Variants in GNG2 observed in about 807,000 individuals in gnomAD.
GNG2 encodes the protein G protein subunit gamma 2.
In GNG2, 5 loss-of-function variants were observed where a neutral mutation model predicts 5.5. That is an observed-to-expected ratio of 0.91 (90% confidence interval 0.48 to 1.92). The LOEUF (loss-of-function observed/expected upper bound fraction) is 1.92, where lower values mean the gene tolerates loss of function less well. GNG2 is among the 30% of genes most tolerant of loss of function. The probability of loss-of-function intolerance (pLI) is 0.01; values close to 1 mark genes in which losing one functional copy is unlikely to be tolerated. For missense variants in GNG2, 55 were observed against 88.4 expected, an observed-to-expected ratio of 0.62 and a Z score of 1.52; for synonymous variants, 28 against 32.0, an observed-to-expected ratio of 0.88 and a Z score of 0.42.
chr14:51,886,831 G>T (rs1884490290), intron 2 of GNG2, among the ~76,000 whole-genome samples: 1 of 152,210 alleles, frequency 6.6e-6, no homozygotes, highest in Non-Finnish European at 1.5e-5. Context: ...GAGCAAGGAA[G>T]TCTGCCACTG....
At chr14:51,894,279 T>G (rs1477322751) in intron 2 of GNG2, among the ~76,000 whole-genome samples, 1 of 152,090 alleles carries the variant, frequency 6.6e-6, no homozygotes, top group African/African-American at 2.4e-5. Context: ...ATATAAAGAT[T>G]TTTGCTTCGT....
intron 3 of GNG2, among the ~76,000 whole-genome samples, chr14:51,954,951 C>T (rs948731671): frequency 6.6e-6 from 1 of 152,116 alleles, no homozygotes; most frequent in Non-Finnish European, 1.5e-5. Flanking sequence ...CTCCATTATA[C>T]AGACATAGCC....
At chr14:51,863,272 G>A (rs1041193044) in intron 1 of GNG2, among the ~76,000 whole-genome samples, 2 of 152,124 alleles carry the variant, frequency 1.3e-5, no homozygotes, top group African/African-American at 4.8e-5. Context: ...ACCTATTACT[G>A]GTTCTTACTA....
At chr14:51,949,099 C>T (rs980498028) in intron 2 of GNG2, among the ~76,000 whole-genome samples, 5 of 141,000 alleles carry the variant, frequency 3.5e-5, no homozygotes, top group Non-Finnish European at 6.0e-5. Flanking sequence ...CCAGCTTGGG[C>T]GACAGAGGCA....
rs140075791 is a variant in GNG2 at position 51,924,315 on chromosome 14, G to T, written c.-29-26335G>T. Among the ~76,000 whole-genome samples, 668 of 152,282 alleles carry T rather than the reference G, an allele frequency of 4.4e-3. 7 individuals carry two copies. The highest frequency in any genetic ancestry group is 0.015 in the African/African-American group (635 of 41,562). On this transcript the variant is annotated intron_variant, in intron 2 of 3. Transcript: ENST00000556766. ...TGGAAGACCCCTATTAAATTGTGAA[G>T]TACTATTTATATATCAGTCATCACT...
chr14:51,851,779 C>A (rs1188998344), intron 2 of GNG2, among the ~76,000 whole-genome samples: 3 of 152,104 alleles, frequency 2.0e-5, no homozygotes, highest in East Asian at 1.9e-4. Context: ...TCTAGTGGTG[C>A]CTTCTCAGCT....
At chr14:51,827,097 A>T (rs1405865158) in intron 1 of GNG2, among the ~76,000 whole-genome samples, 1 of 152,206 alleles carries the variant, frequency 6.6e-6, no homozygotes, top group Non-Finnish European at 1.5e-5. Flanking sequence ...CAGTTCCCAA[A>T]CTTACCTGTA....
rs867792129 is a variant in GNG2, at chr14:51,932,165, T to C, written c.-29-18485T>C. 8.0e-5 allele frequency among the ~76,000 whole-genome samples: 11 copies of C among 137,484 alleles called. No homozygotes were observed. In the South Asian group the frequency reaches 2.1e-3, roughly 26 times the overall value. 90.2% of individuals were successfully genotyped at this position (137,484 alleles called of 152,430 possible). A position where few individuals can be genotyped will look rare whatever the true frequency, so the allele number is the denominator to read the frequency against. On this transcript the variant is annotated intron_variant, in intron 2 of 3. Coordinates refer to ENST00000556766, the MANE Select transcript of GNG2 (RefSeq NM_053064.5). ...GGGAGGCTGAGGCAGGAGAATGGCA[T>C]GAACCGGGGAGGTGGAGCTTGCAGT...
intron 2 of GNG2, chr14:51,917,251 C>A: frequency 2.5e-6 from 1 of 403,366 alleles, no homozygotes; most frequent in South Asian, 1.8e-5. Context: ...AAATATCCAC[C>A]AGTCAGCACA....
intron 2 of GNG2, among the ~76,000 whole-genome samples, chr14:51,916,714 T>A (rs145791601): frequency 2.6e-5 from 4 of 152,096 alleles, no homozygotes; most frequent in African/African-American, 7.2e-5. Context: ...GGTGTAGGTA[T>A]CCAGGGGTGC....
intron 2 of GNG2, among the ~76,000 whole-genome samples, chr14:51,912,248 A>G (rs933332606): frequency 6.6e-6 from 1 of 152,144 alleles, no homozygotes; most frequent in African/African-American, 2.4e-5. Flanking sequence ...GGAAGAAAGA[A>G]TGGGGGAGAT....
intron 3 of GNG2, among the ~76,000 whole-genome samples, chr14:51,957,205 C>T (rs751096090): frequency 2.0e-5 from 3 of 152,168 alleles, no homozygotes; most frequent in Non-Finnish European, 4.4e-5. Context: ...TATTCTTCCA[C>T]CTTCTGTCTA....
chr14:51,910,070 T>C (rs1266155796), intron 2 of GNG2, among the ~76,000 whole-genome samples: 2 of 152,210 alleles, frequency 1.3e-5, no homozygotes, highest in Non-Finnish European at 2.9e-5. Context: ...ATGTATGTAA[T>C]TGTGAACCAA....
chr14:51,843,638 C>A (rs1401578202), intron 2 of GNG2, among the ~76,000 whole-genome samples: 1 of 151,988 alleles, frequency 6.6e-6, no homozygotes, highest in Non-Finnish European at 1.5e-5. Flanking sequence ...CTCAACCCTA[C>A]TTTCTTTCAA....
intron 2 of GNG2, among the ~76,000 whole-genome samples, chr14:51,836,159 C>T (rs1881324668): frequency 6.6e-6 from 1 of 151,850 alleles, no homozygotes; most frequent in Non-Finnish European, 1.5e-5. Flanking sequence ...CATCTCTCTC[C>T]TGTCTCTTAT....
chr14:51,964,737 C>A (rs1402770697), intron 3 of GNG2, among the ~76,000 whole-genome samples: 2 of 152,160 alleles, frequency 1.3e-5, no homozygotes, highest in Non-Finnish European at 2.9e-5. Context: ...AAAGGCCAGG[C>A]ACAGTGACTT....
chr14:51,871,182 G>A (rs1312825108), intron 1 of GNG2, among the ~76,000 whole-genome samples: 1 of 151,964 alleles, frequency 6.6e-6, no homozygotes, highest in East Asian at 1.9e-4. Context: ...ATGAATGACG[G>A]TTGTGTTTAG....
chr14:51,932,175 A>T (rs549564509), intron 2 of GNG2, among the ~76,000 whole-genome samples: 4 of 132,186 alleles, frequency 3.0e-5, no homozygotes, highest in South Asian at 5.4e-4. Flanking sequence ...TGAACCGGGG[A>T]GGTGGAGCTT....
chr14:51,883,760 T>C (rs1884256479), intron 2 of GNG2, among the ~76,000 whole-genome samples: 3 of 152,202 alleles, frequency 2.0e-5, no homozygotes, highest in African/African-American at 7.2e-5. Flanking sequence ...CACAAACTTA[T>C]TGAAAGCTTT....
Sources: allele counts gnomAD v4.1 joint callset (sites outside exome capture counted in the v4.1 genomes callset), GRCh38; gene constraint gnomAD v4.1.1; transcripts MANE v1.5; gene names NCBI Gene and HGNC (gene_info 2026-07-23, HGNC 2026-07-21).